Variants in DTNA observed in about 807,000 individuals in gnomAD.
DTNA encodes the protein dystrophin-related protein 3.
In DTNA, 43 loss-of-function variants were observed where a neutral mutation model predicts 100.7. That is an observed-to-expected ratio of 0.43 (90% confidence interval 0.33 to 0.55). The LOEUF (loss-of-function observed/expected upper bound fraction) is 0.55. DTNA is among the 20% of genes least tolerant of loss of function. The pLI, the probability that DTNA is intolerant of heterozygous loss-of-function variation, is 0.04. For missense variants in DTNA, 798 were observed against 953.9 expected (o/e 0.84, Z 2.15); for synonymous variants, 349 against 347.9 (o/e 1.00, Z -0.04).
intron 1 of DTNA, among the ~76,000 whole-genome samples, chr18:34,541,389 AC>A (rs773158251): frequency 1.8e-4 from 27 of 152,146 alleles, no homozygotes; most frequent in East Asian, 1.6e-3. Flanking sequence ...GATAATCCCC[AC>A]GTGTCATGGG....
intron 1 of DTNA, among the ~76,000 whole-genome samples, chr18:34,674,290 A>AT: frequency 6.6e-6 from 1 of 152,320 alleles, no homozygotes; most frequent in East Asian, 1.9e-4. Context: ...CAGCCCCTTT[A>AT]TCCTAGGGGC....
intron 1 of DTNA, among the ~76,000 whole-genome samples, chr18:34,610,794 T>A (rs1476511880): frequency 6.6e-6 from 1 of 152,210 alleles, no homozygotes; most frequent in Admixed American, 6.5e-5. Flanking sequence ...ATCTCTTAAA[T>A]TGGAACAATA....
At chr18:34,579,767 G>A (rs2048441831) in intron 1 of DTNA, among the ~76,000 whole-genome samples, 1 of 152,086 alleles carries the variant, frequency 6.6e-6, no homozygotes, top group Non-Finnish European at 1.5e-5. Flanking sequence ...TGGTGGTGGT[G>A]GAGTTTGTTT....
intron 1 of DTNA, among the ~76,000 whole-genome samples, chr18:34,573,016 T>A (rs2047742170): frequency 6.6e-6 from 1 of 152,216 alleles, no homozygotes; most frequent in Non-Finnish European, 1.5e-5. Context: ...CTAAATCACA[T>A]GATTTAAAAG....
chr18:34,756,042 G>A lies in DTNA; in HGVS notation c.66G>A (p.Met22Ile), dbSNP rs1480986978. The change falls in exon 2 of 23, where the codon ATG becomes ATA. Residue 22 changes from methionine (M) to isoleucine (I), a missense_variant and splice_region_variant. Around this residue, in one of 6 missense-constraint regions of DTNA, gnomAD observed 197 missense variants for 215.4 expected, o/e 0.91. Coordinates refer to ENST00000444659, the MANE Select transcript of DTNA (RefSeq NM_001386795.1). ...AAAGAAGACAGCTGTTTGCAGAGAT[G>A]AGTAAGTATGGATCTTTTAAGGAAC... The part of the protein sequence containing the change: ...MAERRQLFAE[M>I]RAQDLDRIRL... 6.2e-7 allele frequency: 1 copy of A among 1,612,850 alleles called. No homozygotes were observed. The highest frequency in any genetic ancestry group is 8.5e-7 in the Non-Finnish European group (1 of 1,179,414).
intron 1 of DTNA, among the ~76,000 whole-genome samples, chr18:34,640,555 C>T (rs2059162937): frequency 6.6e-6 from 1 of 152,212 alleles, no homozygotes; most frequent in Admixed American, 6.5e-5. Context: ...GTTCATTCAT[C>T]CTATAGACAT....
chr18:34,690,582 C>T (rs577928514), intron 1 of DTNA, among the ~76,000 whole-genome samples: 2 of 152,306 alleles, frequency 1.3e-5, no homozygotes, highest in South Asian at 2.1e-4. Context: ...CCTATTCAGC[C>T]ATCTTGCCAC....
At position 34,858,288 on chromosome 18, in the gene DTNA, A is replaced by G; in HGVS notation, c.1536A>G (p.Glu512=). The stretch of plus-strand genomic sequence containing the variant: ...CACCTTCCTCCTCTCTCCCAAGAGA[A>G]ATCTTACAGGAGATCCAGAGACTTC... ...LIAELENKNR[E]ILQEIQRLRL... is the part of the protein sequence containing the mutation. Residue 512 remains glutamate, a synonymous_variant, in exon 16 of 23, where the codon GAA becomes GAG. Transcript: ENST00000444659. 6.2e-7 allele frequency: 1 copy of G among 1,614,074 alleles called. No homozygotes were observed. The highest frequency in any genetic ancestry group is 8.5e-7 in the Non-Finnish European group (1 of 1,179,994).
intron 1 of DTNA, among the ~76,000 whole-genome samples, chr18:34,660,205 G>GC (rs1281667381): frequency 6.6e-6 from 1 of 151,892 alleles, no homozygotes; most frequent in Admixed American, 6.6e-5. Flanking sequence ...AAAATTCTAA[G>GC]CCCCCCAACC....
At position 34,638,935 on chromosome 18, in the gene DTNA, G is replaced by A. The variant is rs139315284; in HGVS notation, c.-1-117041G>A. ...TGGCTCACTGCAACCTTCACCTCCC[G>A]GGTTCAAGTGATTCCCCAGCCTCAG... On this transcript the variant is annotated intron_variant, in intron 1 of 19. Coordinates refer to the DTNA transcript ENST00000283365. Among the ~76,000 whole-genome samples the A allele has an allele frequency of 5.1e-3, 781 of 152,140 alleles. 5 individuals carry two copies. Among genetic ancestry groups the A allele is most frequent in the African/African-American group, 0.018 (748 of 41,494 alleles).
At chr18:34,772,958 G>C (rs766546289) in intron 3 of DTNA, among the ~76,000 whole-genome samples, 3 of 152,178 alleles carry the variant, frequency 2.0e-5, no homozygotes, top group Non-Finnish European at 4.4e-5. Flanking sequence ...TTCCTTGCTG[G>C]CTGTCAGCTG....
chr18:34,725,546 C>T lies in DTNA; in HGVS notation c.-2+15101C>T, dbSNP rs537980986. ...AGAAATGCAAATCAAAACCACAATA[C>T]GATACTATCTCACACCAGTTAGAAT... On this transcript the variant is annotated intron_variant, in intron 1 of 22. Transcript: ENST00000444659. Among the ~76,000 whole-genome samples, 13 of 152,156 alleles carry T rather than the reference C, an allele frequency of 8.5e-5. No individual in the cohort carries two copies. In the East Asian group the frequency reaches 1.9e-3, roughly 23 times the overall value.
At chr18:34,887,414 A>T (rs1293292377) in intron 22 of DTNA, among the ~76,000 whole-genome samples, 1 of 152,164 alleles carries the variant, frequency 6.6e-6, no homozygotes, top group African/African-American at 2.4e-5. Context: ...TAGATTTTTT[A>T]AAAACCAACG....
chr18:34,745,679 C>G (rs1025221127), intron 1 of DTNA, among the ~76,000 whole-genome samples: 1 of 152,152 alleles, frequency 6.6e-6, no homozygotes, highest in African/African-American at 2.4e-5. Flanking sequence ...TTGCCCTGTC[C>G]CTTGGGCAGT....
At chr18:34,557,276 T>G (rs1387611423) in intron 1 of DTNA, among the ~76,000 whole-genome samples, 2 of 140,904 alleles carry the variant, frequency 1.4e-5, no homozygotes, top group East Asian at 3.9e-4. Flanking sequence ...CTTCTAAATT[T>G]TTTTCAAAGT....
chr18:34,523,683 T>C (rs1307352556), intron 1 of DTNA, among the ~76,000 whole-genome samples: 1 of 152,186 alleles, frequency 6.6e-6, no homozygotes, highest in African/African-American at 2.4e-5. Context: ...TGTTGGTCTC[T>C]CTTCAGTTGA....
intron 1 of DTNA, among the ~76,000 whole-genome samples, chr18:34,739,041 A>G (rs1384569944): frequency 3.9e-5 from 6 of 152,122 alleles, no homozygotes; most frequent in African/African-American, 1.2e-4. Context: ...CCCAAGAGTT[A>G]GTTTTTCAAC....
In DTNA at chr18:34,510,573, C is replaced by T. The variant is rs141062919; in HGVS notation, c.-2+17059C>T. The stretch of plus-strand genomic sequence containing the variant: ...TCTTCGGCATAGGTTATCCTTGCCA[C>T]GCCTTTTATGAGCCCCTGTGGCTCA... On this transcript the variant is annotated intron_variant, in intron 1 of 19. Transcript: ENST00000283365. Among the ~76,000 whole-genome samples, 497 of 150,452 alleles carry T rather than the reference C, an allele frequency of 3.3e-3. 2 individuals are homozygous for T. Among genetic ancestry groups the T allele is most frequent in the Middle Eastern group, 7.1e-3 (2 of 280 alleles).
At chr18:34,688,894 A>T (rs2079312117) in intron 1 of DTNA, among the ~76,000 whole-genome samples, 1 of 151,672 alleles carries the variant, frequency 6.6e-6, no homozygotes, top group Non-Finnish European at 1.5e-5. Flanking sequence ...CATTAAGTTG[A>T]TCTTCAGTCT....
Sources: gnomAD v4.1 joint callset for allele counts (sites outside exome capture counted in the v4.1 genomes callset) on GRCh38, gnomAD v4.1.1 for gene constraint, gnomAD v4.1.1 regional missense constraint, MANE v1.5 for transcripts, NCBI Gene and HGNC (gene_info 2026-07-23, HGNC 2026-07-21) for gene names.